Variants in MTUS2 observed in about 807,000 individuals in gnomAD.
The protein encoded by MTUS2 is microtubule associated scaffold protein 2, also known as microtubule-associated tumor suppressor candidate 2.
In MTUS2, 40 loss-of-function variants were observed where a neutral mutation model predicts 114.1. The ratio of observed to expected loss-of-function variants is 0.35; its 90% CI spans 0.27 to 0.46. The LOEUF is 0.46. Among genes scored for constraint, MTUS2 ranks in the 20% least tolerant of loss-of-function variants. MTUS2 has a pLI of 1.00. For missense variants in MTUS2, 1,679 were observed against 1,705.4 expected (o/e 0.98, Z 0.27); for synonymous variants, 688 against 672.0 (o/e 1.02, Z -0.37).
intron 5 of MTUS2, among the ~76,000 whole-genome samples, chr13:29,244,942 C>T (rs1395918390): frequency 2.6e-5 from 2 of 76,448 alleles, no homozygotes; most frequent in East Asian, 5.4e-4. Flanking sequence ...GGCGACAGAG[C>T]GAGACTCCGT....
chr13:29,059,706 A>G (rs1054609009), intron 4 of MTUS2, among the ~76,000 whole-genome samples: 1 of 152,184 alleles, frequency 6.6e-6, no homozygotes, highest in African/African-American at 2.4e-5. Context: ...TTGCCTGGCT[A>G]TGAGAGTTGG....
chr13:29,065,090 GCA>G (rs1209878546), intron 4 of MTUS2, among the ~76,000 whole-genome samples: 2 of 152,286 alleles, frequency 1.3e-5, no homozygotes, highest in Non-Finnish European at 2.9e-5. Flanking sequence ...GTGAACATAT[GCA>G]TGCATGTGTC....
At chr13:28,991,902 T>G (rs1211708785) in intron 2 of MTUS2, among the ~76,000 whole-genome samples, 2 of 152,128 alleles carry the variant, frequency 1.3e-5, no homozygotes, top group Non-Finnish European at 2.9e-5. Flanking sequence ...GATCAGCCAG[T>G]GTGATTCTGT....
At chr13:29,339,495 G>A (rs1310366001) in intron 7 of MTUS2, 8 of 153,098 alleles carry the variant, frequency 5.2e-5, no homozygotes, top group African/African-American at 1.9e-4. Context: ...CTGGCACAGG[G>A]ATCTGGGGCC....
chr13:29,195,609 G>C (rs1391062775), intron 5 of MTUS2, among the ~76,000 whole-genome samples: 1 of 145,210 alleles, frequency 6.9e-6, no homozygotes, highest in Admixed American at 7.0e-5. Flanking sequence ...CATGTTGAAA[G>C]ATGCAGAGAG....
intron 5 of MTUS2, among the ~76,000 whole-genome samples, chr13:29,209,539 T>C (rs1306501151): frequency 6.6e-6 from 1 of 152,124 alleles, no homozygotes; most frequent in Non-Finnish European, 1.5e-5. Context: ...GTGAGTTTTA[T>C]GCTTTAAGGG....
At chr13:29,323,503 G>T (rs1256476163) in intron 6 of MTUS2, among the ~76,000 whole-genome samples, 1 of 152,102 alleles carries the variant, frequency 6.6e-6, no homozygotes, top group Non-Finnish European at 1.5e-5. Context: ...GCCTGCCTCG[G>T]CCTCCCAAAG....
chr13:29,083,809 AT>A (rs1157923148), intron 4 of MTUS2, among the ~76,000 whole-genome samples: 2 of 152,146 alleles, frequency 1.3e-5, no homozygotes, highest in Non-Finnish European at 2.9e-5. Context: ...TGCCAAGCCA[AT>A]TTTGTATATG....
rs1566132198 is a variant in MTUS2 at position 29,325,585 on chromosome 13, G to GAA, written c.2905+874_2905+875insAA. On this transcript the variant is annotated intron_variant, in intron 7 of 15. Transcript: ENST00000612955. Reference sequence around the variant, plus strand: ...AAGAAGAAGAAGAGGAGGAGGAAGAGGAAGAAGAAGAAGAAGAAATCCTAT... The same window carrying GAA: ...AAGAAGAAGAAGAGGAGGAGGAAGAGAAGAAGAAGAAGAAGAAGAAATCCTAT... 8.8e-5 allele frequency among the ~76,000 whole-genome samples: 13 copies of GAA among 148,140 alleles called. No individual in the cohort carries two copies. In the East Asian group the frequency reaches 9.8e-4, roughly 11 times the overall value.
intron 8 of MTUS2, among the ~76,000 whole-genome samples, chr13:29,408,227 T>C (rs1315486401): frequency 6.6e-6 from 1 of 152,064 alleles, no homozygotes; most frequent in Non-Finnish European, 1.5e-5. Context: ...TTTTTTTGTG[T>C]CTTGATTAAA....
At chr13:29,323,904 C>T (rs753161996) in intron 6 of MTUS2, among the ~76,000 whole-genome samples, 1 of 152,112 alleles carries the variant, frequency 6.6e-6, no homozygotes, top group Non-Finnish European at 1.5e-5. Context: ...TGTGTGATTT[C>T]GCTAATCTCA....
chr13:29,174,668 G>T (rs1025793377), intron 5 of MTUS2, among the ~76,000 whole-genome samples: 1 of 152,162 alleles, frequency 6.6e-6, no homozygotes, highest in Non-Finnish European at 1.5e-5. Flanking sequence ...TTACGGTAGT[G>T]GTTGCGGTTT....
intron 8 of MTUS2, among the ~76,000 whole-genome samples, chr13:29,433,002 C>T (rs978346490): frequency 2.0e-5 from 3 of 152,298 alleles, no homozygotes; most frequent in African/African-American, 7.2e-5. Flanking sequence ...TTAAGTGATA[C>T]ACAAATGGAT....
chr13:29,026,295 C>T lies in MTUS2; in HGVS notation c.1597C>T (p.Pro533Ser). ...SARADSVLNI[P>S]APLHPETTVN... is the part of the protein sequence containing the mutation. The stretch of plus-strand genomic sequence containing the variant: ...AAGAGCAGATTCAGTTCTCAATATT[C>T]CAGCACCCCTCCACCCAGAGACAAC... The change falls in exon 3 of 16, where the codon CCA (proline) becomes TCA (serine). Residue 533 changes from proline to serine, a missense_variant. By Grantham distance (74) the Pro-to-Ser change is moderately conservative (BLOSUM62 -1). Around this residue, in one of 3 missense-constraint regions of MTUS2, gnomAD observed 843 missense variants for 770.8 expected, o/e 1.09. Transcript: ENST00000612955. 6.2e-7 allele frequency: 1 copy of T among 1,613,988 alleles called. No individual in the cohort carries two copies. The highest frequency in any genetic ancestry group is 1.1e-5 in the South Asian group (1 of 91,084).
At chr13:29,118,220 C>G (rs1416207129) in intron 5 of MTUS2, among the ~76,000 whole-genome samples, 4 of 151,766 alleles carry the variant, frequency 2.6e-5, no homozygotes, top group Non-Finnish European at 1.5e-5. Context: ...TTTACCATCA[C>G]GGAAGCCTAG....
intron 7 of MTUS2, among the ~76,000 whole-genome samples, chr13:29,332,575 T>C (rs1289221117): frequency 1.3e-5 from 2 of 152,066 alleles, no homozygotes; most frequent in Non-Finnish European, 2.9e-5. Flanking sequence ...TGCTCTGATC[T>C]TAGTTATTTC....
At chr13:29,069,461 A>G (rs1002242376) in intron 4 of MTUS2, among the ~76,000 whole-genome samples, 7 of 152,226 alleles carry the variant, frequency 4.6e-5, no homozygotes, top group African/African-American at 1.7e-4. Flanking sequence ...GTACCCACCC[A>G]CATTGGGGAA....
intron 5 of MTUS2, among the ~76,000 whole-genome samples, chr13:29,241,141 G>A (rs1385216470): frequency 6.6e-6 from 1 of 152,276 alleles, no homozygotes; most frequent in Admixed American, 6.5e-5. Context: ...CTTCAACAGA[G>A]TTGAAAGAGC....
At chr13:29,499,002 G>A (rs1314648000) in intron 14 of MTUS2, among the ~76,000 whole-genome samples, 1 of 152,214 alleles carries the variant, frequency 6.6e-6, no homozygotes, top group Non-Finnish European at 1.5e-5. Flanking sequence ...GTCCTCACAA[G>A]GCAGAAGGGG....
Sources: allele counts gnomAD v4.1 joint callset (sites outside exome capture counted in the v4.1 genomes callset), GRCh38; gene constraint gnomAD v4.1.1; regional missense constraint gnomAD v4.1.1; transcripts MANE v1.5; gene names NCBI Gene and HGNC (gene_info 2026-07-23, HGNC 2026-07-21).